The following GRIK2 variants were observed in gnomAD, a reference collection of about 807,000 sequenced individuals.
The protein encoded by GRIK2 is glutamate ionotropic receptor kainate type subunit 2.
Under a neutral mutation model 100.3 loss-of-function variants are expected in GRIK2, and 32 were observed. That is an observed-to-expected ratio of 0.32 (90% CI 0.24 to 0.43). The LOEUF (loss-of-function observed/expected upper bound fraction) is 0.43. Ranked by LOEUF, GRIK2 falls within the 20% of genes least tolerant of loss-of-function variation. GRIK2 has a pLI of 1.00. For synonymous variants in GRIK2, 417 were observed against 389.4 expected, an observed-to-expected ratio of 1.07 and a Z score of -0.83; for missense variants, 843 against 1,114.9, an observed-to-expected ratio of 0.76 and a Z score of 3.47.
chr6:101,953,380 G>A (rs1791720531), intron 14 of GRIK2, among the ~76,000 whole-genome samples: 1 of 152,114 alleles, frequency 6.6e-6, no homozygotes, highest in Non-Finnish European at 1.5e-5. Context: ...ATTGCCTTTA[G>A]CAGTGTACAA....
chr6:101,874,033 C>T (rs1367295727), intron 11 of GRIK2, among the ~76,000 whole-genome samples: 5 of 152,020 alleles, frequency 3.3e-5, no homozygotes, highest in Non-Finnish European at 5.9e-5. Context: ...AAATTTTCTC[C>T]CATTCTGAAG....
chr6:101,396,312 A>C (rs1026980505), intron 1 of GRIK2, among the ~76,000 whole-genome samples: 2 of 150,244 alleles, frequency 1.3e-5, no homozygotes, highest in Non-Finnish European at 3.0e-5. Flanking sequence ...CCCTAGTAAC[A>C]GATGGAAATC....
chr6:101,778,564 A>G (rs1392454285), intron 7 of GRIK2, among the ~76,000 whole-genome samples: 1 of 152,194 alleles, frequency 6.6e-6, no homozygotes, highest in African/African-American at 2.4e-5. Context: ...ACTAGGTTCT[A>G]AGTTCTCCCA....
chr6:101,724,911 T>C (rs939460191), intron 7 of GRIK2, among the ~76,000 whole-genome samples: 3 of 152,048 alleles, frequency 2.0e-5, no homozygotes, highest in Non-Finnish European at 2.9e-5. Context: ...CCTTACCCCA[T>C]GGGTATCTCA....
At chr6:101,944,654 T>G (rs1026997918) in intron 14 of GRIK2, among the ~76,000 whole-genome samples, 1 of 152,102 alleles carries the variant, frequency 6.6e-6, no homozygotes, top group Non-Finnish European at 1.5e-5. Context: ...AATATCACAC[T>G]GAACAAAAGC....
At chr6:101,523,042 T>C (rs1774957854) in intron 2 of GRIK2, among the ~76,000 whole-genome samples, 1 of 152,098 alleles carries the variant, frequency 6.6e-6, no homozygotes, top group South Asian at 2.1e-4. Context: ...GGATCTCCCA[T>C]GGTTTCATGT....
chr6:101,517,597 G>T (rs988860934), intron 2 of GRIK2, among the ~76,000 whole-genome samples: 2 of 151,964 alleles, frequency 1.3e-5, no homozygotes, highest in Admixed American at 6.6e-5. Context: ...TGCACAAAAG[G>T]TCCCCAACTA....
chr6:102,033,666 T>G (rs753106010), intron 14 of GRIK2, among the ~76,000 whole-genome samples: 2 of 151,360 alleles, frequency 1.3e-5, no homozygotes, highest in Non-Finnish European at 3.0e-5. Flanking sequence ...ATATTTATTA[T>G]GAGAACTAAA....
chr6:101,868,568 A>T (rs940635895), intron 11 of GRIK2, among the ~76,000 whole-genome samples: 1 of 151,656 alleles, frequency 6.6e-6, no homozygotes, highest in Non-Finnish European at 1.5e-5. Flanking sequence ...AAACAGATAT[A>T]AAAAAGTGGC....
chr6:102,013,075 G>A (rs115864055), intron 14 of GRIK2, among the ~76,000 whole-genome samples: 2,420 of 152,100 alleles, frequency 0.016, 60 homozygotes, highest in African/African-American at 0.055. Flanking sequence ...AGTATAGAAT[G>A]TTTCTTTATT....
rs137976865 is a variant in GRIK2 at position 101,852,014 on chromosome 6, T to C, written c.1318-7273T>C. 2.7e-5 allele frequency among the ~76,000 whole-genome samples: 4 copies of C among 150,110 alleles called. No homozygotes were observed. In the East Asian group the frequency reaches 5.9e-4, roughly 22 times the overall value. On this transcript the variant is annotated intron_variant, in intron 10 of 16. Coordinates refer to ENST00000369134, the MANE Select transcript of GRIK2 (RefSeq NM_021956.5). Reference sequence around the variant, plus strand: ...TCCCTCAGTTTTTTCATAATAGATATAATATTACTGACCTCATGTAGTTGT... The same window carrying C: ...TCCCTCAGTTTTTTCATAATAGATACAATATTACTGACCTCATGTAGTTGT...
intron 14 of GRIK2, among the ~76,000 whole-genome samples, chr6:101,932,496 C>G (rs1478354771): frequency 1.3e-5 from 2 of 151,908 alleles, no homozygotes; most frequent in African/African-American, 4.8e-5. Context: ...CTATACATCA[C>G]TTATTCCAGG....
At chr6:101,395,460 TG>T (rs1774964095) in intron 1 of GRIK2, among the ~76,000 whole-genome samples, 1 of 152,236 alleles carries the variant, frequency 6.6e-6, no homozygotes, top group Non-Finnish European at 1.5e-5. Flanking sequence ...ATGTATTTGC[TG>T]TTTCCAGCAA....
rs36010543 is a variant in GRIK2, at chr6:101,849,813, G to GTTT, written c.1318-9450_1318-9448dup. Among the ~76,000 whole-genome samples, 1,877 of 53,878 alleles carry GTTT rather than the reference G, an allele frequency of 0.035. 469 individuals carry two copies. In the East Asian group the frequency reaches 0.51, roughly 15 times the overall value. 35.3% of individuals were successfully genotyped at this position (53,878 alleles called of 152,430 possible). ...AGGGATGCTATTTAAAAAAAGGAGG[G>GTTT]TTTTTTTTTTTTTTTTTTTTTTTTT... On this transcript the variant is annotated intron_variant, in intron 10 of 16. Transcript: ENST00000369134.
intron 12 of GRIK2, among the ~76,000 whole-genome samples, chr6:101,910,839 C>CCACACACACACACACGCACACA (rs1788632436): frequency 7.0e-6 from 1 of 143,266 alleles, no homozygotes; most frequent in African/African-American, 2.7e-5. Flanking sequence ...CCAACATACA[C>CCACACACACACACACGCACACA]CACACACACA....
chr6:101,841,748 G>A (rs975463755), intron 10 of GRIK2, among the ~76,000 whole-genome samples: 5 of 152,124 alleles, frequency 3.3e-5, no homozygotes, highest in African/African-American at 1.2e-4. Context: ...AGACTCTGAC[G>A]ATTTTGAAGC....
At chr6:101,788,563 G>A (rs949159905) in intron 7 of GRIK2, among the ~76,000 whole-genome samples, 2 of 152,156 alleles carry the variant, frequency 1.3e-5, no homozygotes, top group Non-Finnish European at 2.9e-5. Context: ...TGGCTGCATA[G>A]TATTCCATGG....
chr6:102,015,231 C>CTGTT (rs1488659590), intron 14 of GRIK2, among the ~76,000 whole-genome samples: 1 of 151,206 alleles, frequency 6.6e-6, no homozygotes, highest in African/African-American at 2.4e-5. Context: ...GATTTAACGT[C>CTGTT]TGTTTTGTTT....
chr6:101,615,725 C>T (rs1020170827), intron 2 of GRIK2, among the ~76,000 whole-genome samples: 1 of 151,512 alleles, frequency 6.6e-6, no homozygotes, highest in African/African-American at 2.4e-5. Flanking sequence ...ATTATTTTTT[C>T]AAGTCATAGG....
Sources: gnomAD v4.1 joint callset for allele counts (sites outside exome capture counted in the v4.1 genomes callset) on GRCh38, gnomAD v4.1.1 for gene constraint, MANE v1.5 for transcripts, NCBI Gene and HGNC (gene_info 2026-07-23, HGNC 2026-07-21) for gene names.